Variants in CDKAL1 observed in about 807,000 individuals in gnomAD.
CDKAL1 encodes the protein CDKAL1 threonylcarbamoyladenosine tRNA methylthiotransferase, also known as threonylcarbamoyladenosine tRNA methylthiotransferase.
In CDKAL1, 32 loss-of-function variants were observed where a neutral mutation model predicts 68.2. The observed-to-expected ratio is 0.47, with a 90% confidence interval of 0.35 to 0.63. CDKAL1 has a LOEUF of 0.63. Ranked by LOEUF, CDKAL1 falls within the 30% of genes least tolerant of loss-of-function variation. The pLI is 0.00. For synonymous variants in CDKAL1, 234 were observed against 244.3 expected, an observed-to-expected ratio of 0.96 and a Z score of 0.39; for missense variants, 606 against 696.7, an observed-to-expected ratio of 0.87 and a Z score of 1.47.
intron 5 of CDKAL1, among the ~76,000 whole-genome samples, chr6:20,688,902 G>A (rs1191201210): frequency 1.3e-5 from 2 of 152,192 alleles, no homozygotes; most frequent in East Asian, 3.9e-4. Context: ...GGGGGAGAGG[G>A]AGTGTTCTGT....
At chr6:20,781,420 TC>T (rs1775425390) in intron 8 of CDKAL1, among the ~76,000 whole-genome samples, 155 bp downstream of exon 8, 1 of 152,260 alleles carries the variant, frequency 6.6e-6, no homozygotes, top group African/African-American at 2.4e-5. Flanking sequence ...CTGAAATGTT[TC>T]CTGTATGTAA....
intron 13 of CDKAL1, among the ~76,000 whole-genome samples, chr6:21,177,258 AT>A (rs1253358544): frequency 6.6e-6 from 1 of 151,952 alleles, no homozygotes; most frequent in African/African-American, 2.4e-5. Context: ...CACTTGAGAG[AT>A]TTTTTTCCTC....
At chr6:20,888,860 A>G (rs1391718202) in intron 9 of CDKAL1, among the ~76,000 whole-genome samples, 1 of 152,094 alleles carries the variant, frequency 6.6e-6, no homozygotes, top group Non-Finnish European at 1.5e-5. Flanking sequence ...TAGCAGTATG[A>G]TTTATAGTCC....
At chr6:21,098,285 G>C (rs961812207) in intron 12 of CDKAL1, among the ~76,000 whole-genome samples, 1 of 152,182 alleles carries the variant, frequency 6.6e-6, no homozygotes, top group Admixed American at 6.5e-5. Context: ...AAGTAGTGCT[G>C]AGGTGGCCTA....
chr6:20,580,178 C>T (rs1480306487), intron 4 of CDKAL1, among the ~76,000 whole-genome samples: 1 of 152,182 alleles, frequency 6.6e-6, no homozygotes, highest in Non-Finnish European at 1.5e-5. Context: ...TCAGATTGGG[C>T]ACACCTGCAG....
chr6:21,094,571 G>T (rs1391335465), intron 12 of CDKAL1, among the ~76,000 whole-genome samples: 1 of 152,136 alleles, frequency 6.6e-6, no homozygotes, highest in Non-Finnish European at 1.5e-5. Context: ...AGATGCTAGA[G>T]CTGAAAAAGA....
chr6:21,019,198 C>T (rs975071118), intron 11 of CDKAL1, among the ~76,000 whole-genome samples: 2 of 152,200 alleles, frequency 1.3e-5, no homozygotes, highest in African/African-American at 4.8e-5. Context: ...ATCTGCCCAC[C>T]TTGGCCTCCC....
chr6:20,734,643 A>T (rs570098727), intron 5 of CDKAL1, among the ~76,000 whole-genome samples: 1 of 152,212 alleles, frequency 6.6e-6, no homozygotes, highest in Non-Finnish European at 1.5e-5. Context: ...GTATGGTGTT[A>T]ATATTCCATG....
intron 15 of CDKAL1, among the ~76,000 whole-genome samples, chr6:21,229,109 T>C (rs1245909412): frequency 6.6e-6 from 1 of 152,132 alleles, no homozygotes; most frequent in Admixed American, 6.5e-5. Context: ...GTCATTATGG[T>C]TGAGAGACTT....
At chr6:20,629,846 G>A (rs1184281062) in intron 4 of CDKAL1, among the ~76,000 whole-genome samples, 1 of 151,676 alleles carries the variant, frequency 6.6e-6, no homozygotes, top group East Asian at 1.9e-4. Flanking sequence ...CTCTTACCCT[G>A]CTCATACTTT....
intron 9 of CDKAL1, among the ~76,000 whole-genome samples, chr6:20,950,978 AAAAAG>A (rs1188068099): frequency 6.0e-4 from 91 of 151,708 alleles, no homozygotes; most frequent in African/African-American, 1.5e-3. Context: ...AGAAAAAAAA[AAAAAG>A]AAAAGAAAAG....
chr6:20,894,226 C>T (rs1465435070), intron 9 of CDKAL1, among the ~76,000 whole-genome samples: 1 of 151,888 alleles, frequency 6.6e-6, no homozygotes, highest in African/African-American at 2.4e-5. Flanking sequence ...AAAAAATTAC[C>T]TTAACTATTT....
intron 12 of CDKAL1, among the ~76,000 whole-genome samples, chr6:21,074,273 G>C (rs989502080): frequency 6.6e-6 from 1 of 152,100 alleles, no homozygotes; most frequent in Non-Finnish European, 1.5e-5. Context: ...CATAGCTCTA[G>C]TCTCTGACTT....
At chr6:21,083,117 C>A (rs561788320) in intron 12 of CDKAL1, among the ~76,000 whole-genome samples, 1 of 152,206 alleles carries the variant, frequency 6.6e-6, no homozygotes, top group African/African-American at 2.4e-5. Context: ...CCACTTGCTT[C>A]GGCCTCCCAA....
At chr6:21,167,212 T>C (rs1416526256) in intron 13 of CDKAL1, among the ~76,000 whole-genome samples, 1 of 152,192 alleles carries the variant, frequency 6.6e-6, no homozygotes, top group Non-Finnish European at 1.5e-5. Context: ...AATGGTGTTT[T>C]TGAGCCCGTG....
chr6:20,558,604 A>G, intron 4 of CDKAL1: 1 of 456,644 alleles, frequency 2.2e-6, no homozygotes, highest in Admixed American at 2.3e-5. Context: ...GCCAGGAAAA[A>G]TCACTTTGTA....
At chr6:20,776,948 G>A (rs898427779) in intron 7 of CDKAL1, among the ~76,000 whole-genome samples, 17 of 152,162 alleles carry the variant, frequency 1.1e-4, no homozygotes, top group Non-Finnish European at 2.2e-4. Context: ...AGTGGATTTG[G>A]AGAACTGTCA....
At chr6:20,927,831 A>G (rs1038412437) in intron 9 of CDKAL1, among the ~76,000 whole-genome samples, 1 of 151,976 alleles carries the variant, frequency 6.6e-6, no homozygotes, top group Non-Finnish European at 1.5e-5. Flanking sequence ...TATTTTCTTT[A>G]GTAGTTATCT....
At chr6:21,122,037 A>G (rs938484979) in intron 13 of CDKAL1, among the ~76,000 whole-genome samples, 1 of 152,218 alleles carries the variant, frequency 6.6e-6, no homozygotes, top group Non-Finnish European at 1.5e-5. Context: ...ACTAAGCCCT[A>G]TGGAGCTCAG....
Sources: gnomAD v4.1 joint callset for allele counts (sites outside exome capture counted in the v4.1 genomes callset) on GRCh38, gnomAD v4.1.1 for gene constraint, MANE v1.5 for transcripts, NCBI Gene and HGNC (gene_info 2026-07-23, HGNC 2026-07-21) for gene names.